Variants in SLC14A2 observed in about 807,000 individuals in gnomAD.
The protein encoded by SLC14A2 is urea transporter 2.
A neutral mutation model predicts 104.6 loss-of-function variants in SLC14A2; 91 were observed. That is an observed-to-expected ratio of 0.87 (90% CI 0.73 to 1.04). The LOEUF (loss-of-function observed/expected upper bound fraction) is 1.04. SLC14A2 is among the 50% of genes least tolerant of loss of function. SLC14A2 has a pLI of 0.00. For missense variants in SLC14A2, 1,189 were observed against 1,156.0 expected, an observed-to-expected ratio of 1.03 and a Z score of -0.41; for synonymous variants, 476 against 466.4, an observed-to-expected ratio of 1.02 and a Z score of -0.27.
At chr18:45,665,989 C>T in intron 11 of SLC14A2, 148 bp from the exon 12 acceptor site, 1 of 586,832 alleles carries the variant, frequency 1.7e-6, no homozygotes, top group East Asian at 2.8e-5. Flanking sequence ...AGCCTTCGAG[C>T]TGCAAGGCCC....
At chr18:45,270,835 T>C (rs965147411) in intron 1 of SLC14A2, among the ~76,000 whole-genome samples, 1 of 152,162 alleles carries the variant, frequency 6.6e-6, no homozygotes, top group African/African-American at 2.4e-5. Flanking sequence ...ATGGAGTTAC[T>C]GGACTCTAGC....
intron 2 of SLC14A2, among the ~76,000 whole-genome samples, chr18:45,512,376 C>T (rs566380436): frequency 6.6e-6 from 1 of 152,210 alleles, no homozygotes; most frequent in African/African-American, 2.4e-5. Flanking sequence ...GGAGAAGAGT[C>T]CTTTCTCAGT....
chr18:45,173,533 C>G, the SLC14A2 span, among the ~76,000 whole-genome samples: 1 of 150,898 alleles, frequency 6.6e-6, no homozygotes, highest in African/African-American at 2.4e-5. Flanking sequence ...TGGAAGATGA[C>G]TCAGCAAAAT....
chr18:45,612,272 C>A (rs557590999), upstream of SLC14A2, among the ~76,000 whole-genome samples: 1 of 152,186 alleles, frequency 6.6e-6, no homozygotes, highest in Admixed American at 6.5e-5. Context: ...TCAGACTCTG[C>A]GGGCTGGCAA....
At chr18:45,630,753 C>CA (rs1568305662) in intron 4 of SLC14A2, among the ~76,000 whole-genome samples, 1 of 152,208 alleles carries the variant, frequency 6.6e-6, no homozygotes, top group African/African-American at 2.4e-5. Context: ...AAGTGCTCCC[C>CA]AGTGGTCTTC....
chr18:45,404,961 C>G (rs1271632515), intron 1 of SLC14A2, among the ~76,000 whole-genome samples: 3 of 152,184 alleles, frequency 2.0e-5, no homozygotes, highest in Admixed American at 6.5e-5. Context: ...GTGCCACCAG[C>G]ACTGCCCTGA....
At chr18:45,572,475 C>T (rs72904483) in intron 2 of SLC14A2, among the ~76,000 whole-genome samples, 4,863 of 152,272 alleles carry the variant, frequency 0.032, 227 homozygotes, top group Admixed American at 0.11. Flanking sequence ...CAACACATAC[C>T]CCATTCCTGG....
intron 1 of SLC14A2, among the ~76,000 whole-genome samples, chr18:45,471,659 T>C (rs184087942): frequency 6.6e-6 from 1 of 152,252 alleles, no homozygotes; most frequent in African/African-American, 2.4e-5. Context: ...CTTAAGTCTG[T>C]TTTTGTGTCT....
intron 10 of SLC14A2, chr18:45,644,387 CA>C: frequency 4.6e-6 from 2 of 433,732 alleles, no homozygotes; most frequent in East Asian, 6.5e-5. Context: ...GTTGGTATTA[CA>C]GTAAAATTTC....
intron 1 of SLC14A2, among the ~76,000 whole-genome samples, chr18:45,467,980 G>A (rs2087174859): frequency 6.6e-6 from 1 of 152,070 alleles, no homozygotes; most frequent in African/African-American, 2.4e-5. Flanking sequence ...CATCAGCACA[G>A]CCACCTGCCT....
At chr18:45,545,632 T>G (rs929015385) in intron 2 of SLC14A2, among the ~76,000 whole-genome samples, 1 of 152,212 alleles carries the variant, frequency 6.6e-6, no homozygotes, top group Non-Finnish European at 1.5e-5. Flanking sequence ...ACTAGCAGCT[T>G]GAGTGAGCTC....
At chr18:45,598,253 T>G (rs1568292413) in intron 2 of SLC14A2, among the ~76,000 whole-genome samples, 1 of 152,152 alleles carries the variant, frequency 6.6e-6, no homozygotes, top group African/African-American at 2.4e-5. Context: ...CAGAATAGAT[T>G]ACCGAGAAGC....
chr18:45,682,650 T>A lies in SLC14A2; in HGVS notation c.*131T>A. 1 of 718,228 alleles carries A rather than the reference T, an allele frequency of 1.4e-6. No homozygotes were observed. Among genetic ancestry groups the A allele is most frequent in the Non-Finnish European group, 2.5e-6 (1 of 401,650 alleles). The allele number at this position is 718,228 out of a possible 1,614,324, so 44.5% of individuals were successfully genotyped here. ...CTCTCCCCAAACACAAAGAAGCGTG[T>A]ATGTAGTCACCATTCCAGAACCTCT... On this transcript the variant is annotated 3_prime_UTR_variant, in exon 20 of 20. Transcript: ENST00000255226.
At chr18:45,636,120 G>A (rs1242677642) in intron 5 of SLC14A2, among the ~76,000 whole-genome samples, 1 of 152,326 alleles carries the variant, frequency 6.6e-6, no homozygotes, top group Non-Finnish European at 1.5e-5. Flanking sequence ...TCAGCAAGTC[G>A]GAGAGTTAAC....
chr18:45,214,639 G>A, intron 1 of SLC14A2, among the ~76,000 whole-genome samples: 1 of 152,160 alleles, frequency 6.6e-6, no homozygotes, highest in Non-Finnish European at 1.5e-5. Context: ...GCAGGGAAGA[G>A]GGTATTACTT....
intron 1 of SLC14A2, among the ~76,000 whole-genome samples, chr18:45,325,547 T>C (rs1397968018): frequency 6.6e-6 from 1 of 152,226 alleles, no homozygotes; most frequent in Non-Finnish European, 1.5e-5. Flanking sequence ...GTTTGGTTAA[T>C]ATTTGATGAA....
the SLC14A2 span, among the ~76,000 whole-genome samples, chr18:45,205,997 ATGT>A: frequency 2.6e-5 from 4 of 152,188 alleles, no homozygotes; most frequent in African/African-American, 9.7e-5. Flanking sequence ...AAGGCTCTCA[ATGT>A]ACTGTGAATC....
chr18:45,434,893 T>G (rs906637131), intron 1 of SLC14A2, among the ~76,000 whole-genome samples: 1 of 152,224 alleles, frequency 6.6e-6, no homozygotes, highest in Non-Finnish European at 1.5e-5. Flanking sequence ...TTTTGTTCTC[T>G]GACATACATA....
At chr18:45,436,499 T>C (rs2086598801) in intron 1 of SLC14A2, 1 of 152,234 alleles carries the variant, frequency 6.6e-6, no homozygotes, top group Non-Finnish European at 1.5e-5. Flanking sequence ...TCAAACAGTC[T>C]TCATTCCCTT....
Sources: allele counts gnomAD v4.1 joint callset (sites outside exome capture counted in the v4.1 genomes callset), GRCh38; gene constraint gnomAD v4.1.1; transcripts MANE v1.5; gene names NCBI Gene and HGNC (gene_info 2026-07-23, HGNC 2026-07-21).